TP63: variants seen among roughly 807,000 people sequenced by gnomAD.
TP63 encodes tumor protein 63.
Under a neutral mutation model 82.8 loss-of-function variants are expected in TP63, and 17 were observed. The observed-to-expected ratio is 0.21, with a 90% CI of 0.14 to 0.31. The LOEUF (loss-of-function observed/expected upper bound fraction) is 0.31. TP63 is among the 10% of genes least tolerant of loss of function. The pLI, the probability that TP63 is intolerant of heterozygous loss-of-function variation, is 1.00. For missense variants in TP63, 648 were observed against 895.3 expected, an observed-to-expected ratio of 0.72 and a Z score of 3.52; for synonymous variants, 330 against 321.7, an observed-to-expected ratio of 1.03 and a Z score of -0.28.
chr3:189,827,209 T>C (rs1711552337), intron 4 of TP63, among the ~76,000 whole-genome samples: 1 of 152,238 alleles, frequency 6.6e-6, no homozygotes, highest in Non-Finnish European at 1.5e-5. Flanking sequence ...AACCTAGTTG[T>C]AATTTAGTGT....
rs367763002 is a variant in TP63, at chr3:189,819,747, C to CTTT, written c.579+11241_579+11243dup. Among the ~76,000 whole-genome samples the CTTT allele has an allele frequency of 2.8e-3, 247 of 89,802 alleles. 2 individuals are homozygous for CTTT. The highest frequency in any genetic ancestry group is 4.1e-3 in the African/African-American group (99 of 24,146). 58.9% of individuals were successfully genotyped at this position (89,802 alleles called of 152,430 possible). ...TCACTGGTAATGGATTATATTTTACCTTTTTTTTTTTTTTTTTTTTTTGAG... is the reference window on the plus strand; with the variant it reads ...TCACTGGTAATGGATTATATTTTACCTTTTTTTTTTTTTTTTTTTTTTTTTGAG... On this transcript the variant is annotated intron_variant, in intron 4 of 13. Transcript: ENST00000264731.
At chr3:189,699,288 T>C (rs1017042440) in intron 1 of TP63, among the ~76,000 whole-genome samples, 10 of 152,194 alleles carry the variant, frequency 6.6e-5, no homozygotes, top group African/African-American at 2.2e-4. Flanking sequence ...AAGACTAATG[T>C]GACTTAAATT....
At chr3:189,634,734 C>A (rs1233444443) in intron 1 of TP63, among the ~76,000 whole-genome samples, 1 of 151,898 alleles carries the variant, frequency 6.6e-6, no homozygotes, top group Non-Finnish European at 1.5e-5. Flanking sequence ...TATAAAAGTT[C>A]AATAAATAAG....
intron 4 of TP63, among the ~76,000 whole-genome samples, chr3:189,856,226 C>T (rs1326593593): frequency 2.0e-5 from 3 of 150,550 alleles, no homozygotes; most frequent in Non-Finnish European, 4.4e-5. Flanking sequence ...AGAAATGGAA[C>T]CCGTGAAACA....
rs530813355 is a variant in TP63 at position 189,831,793 on chromosome 3, G to A, written c.579+23267G>A. Among the ~76,000 whole-genome samples, 4 of 141,348 alleles carry A rather than the reference G, an allele frequency of 2.8e-5. No individual in the cohort carries two copies. The South Asian group carries it at 9.4e-4, about 33-fold the overall frequency. The allele number at this position is 141,348 out of a possible 152,430, so 92.7% of individuals were successfully genotyped here. A position where few individuals can be genotyped will look rare whatever the true frequency, so the allele number is the denominator to read the frequency against. On this transcript the variant is annotated intron_variant, in intron 4 of 13. Coordinates refer to ENST00000264731, the MANE Select transcript of TP63 (RefSeq NM_003722.5). The stretch of plus-strand genomic sequence containing the variant: ...CAGTGTAATTTTTGTCCCAGAACTT[G>A]ATGTGCCATGAAAGCTATTATGCTC...
At chr3:189,609,101 T>G in the TP63 span, among the ~76,000 whole-genome samples, 1 of 152,300 alleles carries the variant, frequency 6.6e-6, no homozygotes, top group East Asian at 1.9e-4. Flanking sequence ...TCACAACCGC[T>G]GTGGGCAAGT....
intron 1 of TP63, among the ~76,000 whole-genome samples, chr3:189,710,739 A>G (rs1354475342): frequency 6.6e-6 from 1 of 152,124 alleles, no homozygotes; most frequent in Non-Finnish European, 1.5e-5. Context: ...GGGTGATTCA[A>G]CAGAGTCAGG....
chr3:189,759,780 C>T (rs1444789393), intron 3 of TP63, among the ~76,000 whole-genome samples: 1 of 152,162 alleles, frequency 6.6e-6, no homozygotes, highest in Admixed American at 6.5e-5. Context: ...GAGAGAGTAG[C>T]TGTTGTATTA....
At chr3:189,771,332 A>T (rs958622434) in intron 3 of TP63, among the ~76,000 whole-genome samples, 2 of 137,952 alleles carry the variant, frequency 1.4e-5, no homozygotes, top group Non-Finnish European at 3.1e-5. Flanking sequence ...ATTTATATAT[A>T]ATATATATTT....
intron 1 of TP63, among the ~76,000 whole-genome samples, chr3:189,695,183 T>G (rs186178544): frequency 6.6e-6 from 1 of 152,290 alleles, no homozygotes; most frequent in African/African-American, 2.4e-5. Flanking sequence ...TATCTGAATA[T>G]TTATTTATAT....
At chr3:189,809,152 G>A (rs1445653883) in intron 4 of TP63, among the ~76,000 whole-genome samples, 4 of 151,680 alleles carry the variant, frequency 2.6e-5, no homozygotes, top group South Asian at 2.1e-4. Flanking sequence ...CATTCTTTTC[G>A]AAAAGAAAGC....
At chr3:189,875,609 T>TACAC (rs1553859649) in intron 10 of TP63, among the ~76,000 whole-genome samples, 9 of 62,994 alleles carry the variant, frequency 1.4e-4, no homozygotes, top group East Asian at 4.1e-4. Flanking sequence ...TATATATATA[T>TACAC]ATATATATAT....
chr3:189,670,332 T>C (rs1386679428), intron 1 of TP63, among the ~76,000 whole-genome samples: 1 of 152,070 alleles, frequency 6.6e-6, no homozygotes, highest in Non-Finnish European at 1.5e-5. Context: ...CAATCGATAT[T>C]TGTAGCACAC....
intron 3 of TP63, among the ~76,000 whole-genome samples, chr3:189,745,411 T>C (rs1470283889): frequency 2.0e-5 from 3 of 152,026 alleles, no homozygotes; most frequent in African/African-American, 7.2e-5. Context: ...ATAGATATCA[T>C]TAATAGAACC....
chr3:189,730,159 C>A (rs1720057494), intron 1 of TP63, among the ~76,000 whole-genome samples: 1 of 152,114 alleles, frequency 6.6e-6, no homozygotes, highest in African/African-American at 2.4e-5. Flanking sequence ...AGTTTTGAAT[C>A]ACTTTTATCT....
intron 3 of TP63, among the ~76,000 whole-genome samples, chr3:189,764,894 A>T (rs1722826143): frequency 6.6e-6 from 1 of 152,194 alleles, no homozygotes; most frequent in Non-Finnish European, 1.5e-5. Context: ...AATGGAGCGC[A>T]CTTTGTTCTA....
chr3:189,855,983 T>C (rs1356925513), intron 4 of TP63, among the ~76,000 whole-genome samples: 1 of 151,878 alleles, frequency 6.6e-6, no homozygotes, highest in African/African-American at 2.4e-5. Flanking sequence ...GTTTGAAATA[T>C]TTGCTATCCA....
At chr3:189,861,598 A>ATTTT (rs1442101128) in intron 4 of TP63, among the ~76,000 whole-genome samples, 25 of 152,290 alleles carry the variant, frequency 1.6e-4, no homozygotes, top group East Asian at 5.8e-4. Context: ...AAGTTTTTTC[A>ATTTT]ACTCTATCAC....
At chr3:189,716,803 C>CT (rs1255561320) in intron 1 of TP63, among the ~76,000 whole-genome samples, 204 of 145,646 alleles carry the variant, frequency 1.4e-3, no homozygotes, top group African/African-American at 3.9e-3. Flanking sequence ...CTCTTAGTAT[C>CT]TTTTTTTTTT....
Sources: gnomAD v4.1 joint callset for allele counts (sites outside exome capture counted in the v4.1 genomes callset) on GRCh38, gnomAD v4.1.1 for gene constraint, MANE v1.5 for transcripts, NCBI Gene and HGNC (gene_info 2026-07-23, HGNC 2026-07-21) for gene names.